Variants in RARB observed in about 807,000 individuals in gnomAD.
RARB encodes the protein HBV-activated protein.
Under a neutral mutation model 51.9 loss-of-function variants are expected in RARB, and 17 were observed. The observed-to-expected ratio is 0.33, with a 90% confidence interval of 0.22 to 0.49. The LOEUF (loss-of-function observed/expected upper bound fraction) is 0.49, where lower values mean the gene tolerates loss of function less well. Among genes scored for constraint, RARB ranks in the 20% least tolerant of loss-of-function variants. The probability of loss-of-function intolerance (pLI) is 0.99; values close to 1 mark genes in which losing one functional copy is unlikely to be tolerated. For missense variants in RARB, 369 were observed against 550.8 expected, an observed-to-expected ratio of 0.67 and a Z score of 3.30; for synonymous variants, 215 against 195.4, an observed-to-expected ratio of 1.10 and a Z score of -0.84.
At chr3:25,423,683 T>A (rs192954656), upstream of RARB, among the ~76,000 whole-genome samples, 924 of 152,342 alleles carry the variant, frequency 6.1e-3, 7 homozygotes, top group Non-Finnish European at 7.8e-3. Context: ...TACTTAAATC[T>A]AGATTTATAG....
chr3:25,512,406 T>C (rs1167916528), intron 3 of RARB, among the ~76,000 whole-genome samples: 2 of 152,216 alleles, frequency 1.3e-5, no homozygotes, highest in African/African-American at 2.4e-5. Context: ...GGTGATCTGA[T>C]GTTGGAATTC....
chr3:25,093,877 C>T (rs964995934), intron 3 of RARB, among the ~76,000 whole-genome samples: 1 of 152,152 alleles, frequency 6.6e-6, no homozygotes, highest in Admixed American at 6.5e-5. Context: ...TTTCTCTTTG[C>T]TCAAACTATC....
chr3:25,128,455 T>C (rs1699894988), intron 3 of RARB, among the ~76,000 whole-genome samples: 1 of 148,616 alleles, frequency 6.7e-6, no homozygotes, highest in African/African-American at 2.5e-5. Context: ...TTTATATATT[T>C]CTAGTATACT....
At chr3:25,239,287 C>A (rs905544620) in intron 5 of RARB, among the ~76,000 whole-genome samples, 2 of 152,264 alleles carry the variant, frequency 1.3e-5, no homozygotes, top group African/African-American at 4.8e-5. Context: ...CTCTGCTGAT[C>A]AGAAGCTTCT....
intron 2 of RARB, among the ~76,000 whole-genome samples, chr3:24,943,046 T>G (rs1695701310): frequency 6.6e-6 from 1 of 152,198 alleles, no homozygotes; most frequent in Non-Finnish European, 1.5e-5. Flanking sequence ...AAAGAAAGAC[T>G]GGCCACTGTG....
At chr3:25,107,313 T>C (rs750624672) in intron 3 of RARB, among the ~76,000 whole-genome samples, 34 of 152,206 alleles carry the variant, frequency 2.2e-4, no homozygotes, top group Non-Finnish European at 4.1e-4. Flanking sequence ...TAGTCGAATT[T>C]GTACTACAGA....
At chr3:25,298,607 G>T (rs1266264066) in intron 5 of RARB, among the ~76,000 whole-genome samples, 2 of 152,064 alleles carry the variant, frequency 1.3e-5, no homozygotes, top group African/African-American at 2.4e-5. Context: ...TTTAGTCCCG[G>T]GTATGACACT....
chr3:25,166,897 G>T (rs969492519), intron 4 of RARB, among the ~76,000 whole-genome samples: 1 of 152,206 alleles, frequency 6.6e-6, no homozygotes, highest in African/African-American at 2.4e-5. Flanking sequence ...GCAGATGTGT[G>T]TCTAAGGCAA....
chr3:25,335,213 G>T (rs987189475), intron 5 of RARB, among the ~76,000 whole-genome samples: 1 of 152,100 alleles, frequency 6.6e-6, no homozygotes, highest in Non-Finnish European at 1.5e-5. Flanking sequence ...GAGTGCTTTG[G>T]TGTGTGGCAC....
intron 2 of RARB, among the ~76,000 whole-genome samples, chr3:24,948,768 G>A (rs780200083): frequency 2.6e-5 from 4 of 152,106 alleles, no homozygotes; most frequent in Non-Finnish European, 5.9e-5. Context: ...AAGTTCATGT[G>A]AGATCTGGCG....
intron 4 of RARB, among the ~76,000 whole-genome samples, chr3:25,156,852 G>C (rs142951904): frequency 3.3e-5 from 5 of 152,244 alleles, no homozygotes; most frequent in Non-Finnish European, 7.3e-5. Flanking sequence ...GTCTCTAGCA[G>C]ATTGCTCCAG....
chr3:25,154,534 T>G (rs1481659769), intron 4 of RARB, among the ~76,000 whole-genome samples: 1 of 152,174 alleles, frequency 6.6e-6, no homozygotes. Flanking sequence ...TTGCTACCAA[T>G]CCATTTTCCA....
intron 2 of RARB, among the ~76,000 whole-genome samples, chr3:25,008,719 A>G (rs1697329169): frequency 6.6e-6 from 1 of 152,106 alleles, no homozygotes. Context: ...GTTCCCAGTC[A>G]GTCCATTCCC....
intron 2 of RARB, among the ~76,000 whole-genome samples, chr3:25,043,059 G>C (rs1698145357): frequency 6.6e-6 from 1 of 152,208 alleles, no homozygotes. Flanking sequence ...GCGTGAGGCA[G>C]GGGAGCGACC....
At chr3:25,543,955 T>C (rs1013112065) in intron 3 of RARB, among the ~76,000 whole-genome samples, 1 of 152,148 alleles carries the variant, frequency 6.6e-6, no homozygotes, top group African/African-American at 2.4e-5. Context: ...TAATGAAAAA[T>C]GTGTGTAATC....
chr3:25,148,777 G>C (rs1700235491), intron 4 of RARB, among the ~76,000 whole-genome samples: 1 of 152,154 alleles, frequency 6.6e-6, no homozygotes, highest in Non-Finnish European at 1.5e-5. Flanking sequence ...CTATCACAGA[G>C]CCTTGTACCT....
In RARB at chr3:25,482,521, A is replaced by ATTTTTTTTTTTTTTTTTTT. The variant is rs71087718; in HGVS notation, c.307-18643_307-18625dup. Among the ~76,000 whole-genome samples, 12 of 65,786 alleles carry ATTTTTTTTTTTTTTTTTTT rather than the reference A, an allele frequency of 1.8e-4. 2 individuals carry two copies. The highest frequency in any genetic ancestry group is 3.5e-4 in the African/African-American group (5 of 14,280). 43.2% of individuals were successfully genotyped at this position (65,786 alleles called of 152,430 possible). A position where few individuals can be genotyped will look rare whatever the true frequency, so the allele number is the denominator to read the frequency against. On this transcript the variant is annotated intron_variant, in intron 2 of 7. Coordinates refer to ENST00000330688, the MANE Select transcript of RARB (RefSeq NM_000965.5). ...TAACTTTAAATTTTCTAGCAGCCAA[A>ATTTTTTTTTTTTTTTTTTT]TTTTTTTTTTTTTTTTTTTTTTTTT...
At chr3:25,553,132 AT>A (rs1057097576) in intron 3 of RARB, among the ~76,000 whole-genome samples, 4 of 148,518 alleles carry the variant, frequency 2.7e-5, no homozygotes, top group Middle Eastern at 6.9e-3. Context: ...TATAGAGATG[AT>A]TTTTTTCCTG....
At chr3:25,457,200 G>C (rs983368825) in intron 1 of RARB, among the ~76,000 whole-genome samples, 2 of 151,974 alleles carry the variant, frequency 1.3e-5, no homozygotes, top group African/African-American at 4.8e-5. Context: ...TCCCCAGCTG[G>C]TTCTAGTGTG....
Sources: allele counts gnomAD v4.1 joint callset (sites outside exome capture counted in the v4.1 genomes callset), GRCh38; gene constraint gnomAD v4.1.1; transcripts MANE v1.5; gene names NCBI Gene and HGNC (gene_info 2026-07-23, HGNC 2026-07-21).